The following BTBD16 variants were observed in gnomAD, a reference collection of about 807,000 sequenced individuals.
The protein encoded by BTBD16 is BTB/POZ domain-containing protein 16.
A neutral mutation model predicts 67.4 loss-of-function variants in BTBD16; 66 were observed. The ratio of observed to expected loss-of-function variants is 0.98; its 90% CI spans 0.80 to 1.20. The LOEUF (loss-of-function observed/expected upper bound fraction) is 1.20. Ranked by LOEUF, BTBD16 falls within the 50% of genes most tolerant of loss-of-function variation. The pLI is 0.00. For synonymous variants in BTBD16, 242 were observed against 236.4 expected (o/e 1.02, Z -0.22); for missense variants, 634 against 616.0 (o/e 1.03, Z -0.31).
chr10:122,310,209 C>G (rs939328163), intron 10 of BTBD16, among the ~76,000 whole-genome samples: 1 of 152,172 alleles, frequency 6.6e-6, no homozygotes, highest in African/African-American at 2.4e-5. Context: ...GGGTGGTGCC[C>G]GTTGAGTGCA....
chr10:122,314,141 A>G (rs1353879519), intron 10 of BTBD16, among the ~76,000 whole-genome samples: 1 of 152,254 alleles, frequency 6.6e-6, no homozygotes, highest in African/African-American at 2.4e-5. Context: ...TTGAATATGT[A>G]GATCAATTTG....
At chr10:122,302,611 CCTCCAGCATGGGACAAGGTT>C (rs1483495972) in intron 9 of BTBD16, among the ~76,000 whole-genome samples, 1 of 152,212 alleles carries the variant, frequency 6.6e-6, no homozygotes, top group African/African-American at 2.4e-5. Flanking sequence ...ATGGCTTTGC[CCTCCAGCATGGGACAAGGTT>C]CCTATGGGTG....
At chr10:122,316,025 G>T (rs11815514) in intron 10 of BTBD16, among the ~76,000 whole-genome samples, 1 of 152,140 alleles carries the variant, frequency 6.6e-6, no homozygotes, top group Non-Finnish European at 1.5e-5. Context: ...CCAGCACCTT[G>T]GGAAGCCGAG....
chr10:122,320,864 C>G (rs2096434260), intron 10 of BTBD16, among the ~76,000 whole-genome samples: 1 of 151,992 alleles, frequency 6.6e-6, no homozygotes, highest in Admixed American at 6.6e-5. Flanking sequence ...AAAATTTCAA[C>G]TTTTATTTCA....
intron 1 of BTBD16, among the ~76,000 whole-genome samples, chr10:122,273,253 T>C (rs990194263): frequency 6.9e-5 from 10 of 145,496 alleles, no homozygotes; most frequent in Admixed American, 1.4e-4. Flanking sequence ...TATACACACA[T>C]ACATACATAT....
intron 1 of BTBD16, among the ~76,000 whole-genome samples, chr10:122,273,221 G>GATTATATATATATATATATATAT (rs1554885565): frequency 7.7e-6 from 1 of 129,482 alleles, no homozygotes; most frequent in East Asian, 2.3e-4. Flanking sequence ...GCAACACAAA[G>GATTATATATATATATATATATAT]ATATATATAT....
chr10:122,312,317 T>C (rs1036400761), intron 10 of BTBD16, among the ~76,000 whole-genome samples: 26 of 139,408 alleles, frequency 1.9e-4, no homozygotes, highest in African/African-American at 6.1e-4. Context: ...TTCTTTTTTT[T>C]TTTTTTTTTT....
intron 13 of BTBD16, among the ~76,000 whole-genome samples, chr10:122,333,910 T>A (rs2133326090): frequency 6.6e-6 from 1 of 152,306 alleles, no homozygotes; most frequent in South Asian, 2.1e-4. Flanking sequence ...GGTACCTTCT[T>A]GCATGATTAT....
In BTBD16 at chr10:122,337,998, G is replaced by GTT; in HGVS notation, c.1453-12_1453-11dup. The GTT allele has an allele frequency of 6.3e-7, 1 of 1,595,810 alleles. No individual in the cohort carries two copies. The highest frequency in any genetic ancestry group is 8.6e-7 in the Non-Finnish European group (1 of 1,164,894). On this transcript the variant is annotated intron_variant, in intron 15 of 15. Transcript: ENST00000260723. ...TCATCCTAAAAGTCACATTCACTTT[G>GTT]TTTTTTTTCATGTTTTAGACCTTGA...
chr10:122,273,821 C>A (rs1023904682), intron 1 of BTBD16, among the ~76,000 whole-genome samples: 1 of 152,314 alleles, frequency 6.6e-6, no homozygotes, highest in East Asian at 1.9e-4. Flanking sequence ...TCACTAGTTA[C>A]AACAAGCATA....
At position 122,275,235 on chromosome 10, in the gene BTBD16, A is replaced by AGAG; in HGVS notation, c.18+137_18+139dup. 3.5e-6 allele frequency: 3 copies of AGAG among 852,672 alleles called. No homozygotes were observed. In the South Asian group the frequency reaches 4.4e-5, roughly 13 times the overall value. The allele number at this position is 852,672 out of a possible 1,614,324, so 52.8% of individuals were successfully genotyped here. A position where few individuals can be genotyped will look rare whatever the true frequency, so the allele number is the denominator to read the frequency against. ...GCATTATTGGCTGACTCGGCTGGAA[A>AGAG]GAGCGCGTCCAGGCAGCACCGTCCA... On this transcript the variant is annotated intron_variant, in intron 2 of 15. Coordinates refer to ENST00000260723, the MANE Select transcript of BTBD16 (RefSeq NM_144587.5).
intron 9 of BTBD16, among the ~76,000 whole-genome samples, chr10:122,306,391 G>A (rs2096403709): frequency 6.6e-6 from 1 of 152,186 alleles, no homozygotes; most frequent in Admixed American, 6.5e-5. Context: ...TTATTGGAGC[G>A]ATAGGAAACT....
intron 5 of BTBD16, chr10:122,287,443 C>G (rs2096366055): frequency 1.0e-6 from 1 of 985,460 alleles, no homozygotes; most frequent in Non-Finnish European, 1.2e-6. Context: ...GACAGCCACT[C>G]TGATCCAAGC....
intron 1 of BTBD16, among the ~76,000 whole-genome samples, chr10:122,271,927 G>A (rs1029053030): frequency 5.9e-5 from 9 of 152,292 alleles, no homozygotes; most frequent in African/African-American, 2.2e-4. Context: ...TGGGCATAGC[G>A]AGTCCCGTGT....
intron 9 of BTBD16, among the ~76,000 whole-genome samples, chr10:122,300,935 G>A (rs2096392644): frequency 6.6e-6 from 1 of 152,228 alleles, no homozygotes; most frequent in African/African-American, 2.4e-5. Context: ...GATGTGAATT[G>A]GCTATGTAGC....
chr10:122,332,573 C>T, intron 13 of BTBD16, 60 bp downstream of exon 13: 2 of 1,535,556 alleles, frequency 1.3e-6, no homozygotes, highest in Non-Finnish European at 1.8e-6. Flanking sequence ...TAGTTAAGAA[C>T]CTTTGGAGGG....
intron 5 of BTBD16, chr10:122,287,486 CAA>C: frequency 5.1e-6 from 5 of 985,368 alleles, no homozygotes; most frequent in Non-Finnish European, 6.0e-6. Context: ...GGCTGAGAGA[CAA>C]GAGGGAAGGT....
chr10:122,333,925 A>C (rs1212550207), intron 13 of BTBD16, among the ~76,000 whole-genome samples: 1 of 152,216 alleles, frequency 6.6e-6, no homozygotes, highest in African/African-American at 2.4e-5. Flanking sequence ...GATTATTGAA[A>C]GTATATTTCA....
chr10:122,315,969 A>T (rs1359732898), intron 10 of BTBD16, among the ~76,000 whole-genome samples: 1 of 152,184 alleles, frequency 6.6e-6, no homozygotes, highest in Non-Finnish European at 1.5e-5. Flanking sequence ...TTATGACACT[A>T]AATAGTCCAC....
Sources: gnomAD v4.1 joint callset for allele counts (sites outside exome capture counted in the v4.1 genomes callset) on GRCh38, gnomAD v4.1.1 for gene constraint, MANE v1.5 for transcripts, NCBI Gene and HGNC (gene_info 2026-07-23, HGNC 2026-07-21) for gene names.